DIO1: variants seen among roughly 807,000 people sequenced by gnomAD.
The protein encoded by DIO1 is iodothyronine deiodinase 1, also known as type I iodothyronine deiodinase.
DIO1 carries 17 observed loss-of-function variants against 25.9 expected under a neutral mutation model. That is an observed-to-expected ratio of 0.66 (90% CI 0.45 to 0.98). The LOEUF (loss-of-function observed/expected upper bound fraction) is 0.98. Among genes scored for constraint, DIO1 ranks in the 50% least tolerant of loss-of-function variants. The pLI is 0.00. For synonymous variants in DIO1, 115 were observed against 114.0 expected (o/e 1.01, Z -0.05); for missense variants, 270 against 310.4 (o/e 0.87, Z 0.98).
At chr1:53,909,141 C>T (rs969953433) in intron 3 of DIO1, among the ~76,000 whole-genome samples, 4 of 147,262 alleles carry the variant, frequency 2.7e-5, no homozygotes, top group South Asian at 2.2e-4. Context: ...CATGGCCGGG[C>T]GTGGTGGCTC....
At chr1:53,900,244 G>T (rs1304067121) in intron 1 of DIO1, among the ~76,000 whole-genome samples, 1 of 152,178 alleles carries the variant, frequency 6.6e-6, no homozygotes, top group Non-Finnish European at 1.5e-5. Flanking sequence ...ACAAATGCAT[G>T]GGACCTATGG....
intron 3 of DIO1, among the ~76,000 whole-genome samples, chr1:53,908,067 C>T (rs1557626610): frequency 6.9e-6 from 1 of 145,040 alleles, no homozygotes; most frequent in Non-Finnish European, 1.5e-5. Context: ...ACTAAAAATA[C>T]AAAAATTAGC....
rs1380646481 is a variant in DIO1, at chr1:53,906,114, C to A, written c.501C>A (p.Asn167Lys). ...TTGTAGATGGCTGGGCTTTTAAGAA[C>A]AACATGGACATCAGAAATCACCAGA... Reference protein sequence around the residue: ...AHASDGWAFKNNMDIRNHQNL... With the variant: ...AHASDGWAFKKNMDIRNHQNL... Residue 167 changes from asparagine to lysine, a missense_variant, in exon 3 of 4, where the codon AAC becomes AAA. Coordinates refer to ENST00000361921, the MANE Select transcript of DIO1 (RefSeq NM_000792.7). 1 of 1,614,206 alleles carries A rather than the reference C, an allele frequency of 6.2e-7. No homozygotes were observed. The highest frequency in any genetic ancestry group is 8.5e-7 in the Non-Finnish European group (1 of 1,180,044).
intron 1 of DIO1, among the ~76,000 whole-genome samples, chr1:53,902,026 G>A (rs887119809): frequency 6.7e-6 from 1 of 149,350 alleles, no homozygotes; most frequent in African/African-American, 2.6e-5. Flanking sequence ...GAGCCTGCCT[G>A]CTCTGGTCCA....
Position 53,894,575 on chromosome 1 carries a change from G to C in DIO1, c.337+28G>C, listed in dbSNP as rs1650977587. The C allele has an allele frequency of 6.3e-7, 1 of 1,585,382 alleles. No homozygotes were observed. Among genetic ancestry groups the C allele is most frequent in the Admixed American group, 1.8e-5 (1 of 55,990 alleles). On this transcript the variant is annotated intron_variant, in intron 1 of 3. Transcript: ENST00000361921. This position sits in a 1 kb window ranked among gnomAD's most constrained non-coding sequence, Gnocchi z 4.9. Reference sequence around the variant, plus strand: ...CAGGAGGCTGCCACACACTTGAGGGGTGCTTGAAATAGCAGTGGTAGAGGG... The same window carrying C: ...CAGGAGGCTGCCACACACTTGAGGGCTGCTTGAAATAGCAGTGGTAGAGGG...
chr1:53,902,468 T>G (rs534490909), intron 1 of DIO1, among the ~76,000 whole-genome samples: 1 of 151,944 alleles, frequency 6.6e-6, no homozygotes, highest in South Asian at 2.1e-4. Context: ...GAATAAATAT[T>G]TGTAGATAGG....
chr1:53,903,272 T>C (rs1651467424), intron 1 of DIO1: 1 of 151,788 alleles, frequency 6.6e-6, no homozygotes, highest in Non-Finnish European at 1.5e-5. Context: ...TCAAGGTACC[T>C]AGTATGTTCC....
chr1:53,904,553 G>T, intron 1 of DIO1, 113 bp from the exon 2 acceptor site: 1 of 1,350,780 alleles, frequency 7.4e-7, no homozygotes, highest in South Asian at 1.4e-5. Context: ...CCATCCTGGG[G>T]TGGGGGGTAG....
chr1:53,908,024 C>T (rs559878285), intron 3 of DIO1, among the ~76,000 whole-genome samples: 39 of 151,290 alleles, frequency 2.6e-4, no homozygotes, highest in African/African-American at 9.2e-4. Context: ...GAATTCGAGA[C>T]CAGCCTGACC....
intron 1 of DIO1, 34 bp from the exon 2 acceptor site, chr1:53,904,632 G>A: frequency 6.2e-7 from 1 of 1,604,952 alleles, no homozygotes; most frequent in Non-Finnish European, 8.5e-7. Flanking sequence ...GCTGTGTGTA[G>A]GGTCTCAGTT....
chr1:53,903,978 ACT>A (rs1225723721), intron 1 of DIO1, among the ~76,000 whole-genome samples: 1 of 149,574 alleles, frequency 6.7e-6, no homozygotes, highest in Non-Finnish European at 1.5e-5. Flanking sequence ...CCTAGCATTC[ACT>A]CTCTTTGTGG....
intron 3 of DIO1, among the ~76,000 whole-genome samples, chr1:53,908,356 G>A (rs570112529): frequency 1.7e-4 from 26 of 152,310 alleles, no homozygotes; most frequent in Non-Finnish European, 3.1e-4. Context: ...GGGTCAGCAC[G>A]CCTTTTCTGT....
At chr1:53,905,919 T>G (rs1651631287) in intron 2 of DIO1, among the ~76,000 whole-genome samples, 176 bp from the exon 3 acceptor site, 1 of 152,228 alleles carries the variant, frequency 6.6e-6, no homozygotes, top group African/African-American at 2.4e-5. Context: ...GGGCTTCAGT[T>G]CTGGATCAAT....
intron 1 of DIO1, among the ~76,000 whole-genome samples, chr1:53,895,479 A>G (rs72662379): frequency 0.042 from 6,431 of 152,258 alleles, 184 homozygotes; most frequent in Non-Finnish European, 0.066. Context: ...CCAGTCCAGG[A>G]AAACCAGTTT....
At chr1:53,895,508 A>G (rs1394935126) in intron 1 of DIO1, among the ~76,000 whole-genome samples, 1 of 152,056 alleles carries the variant, frequency 6.6e-6, no homozygotes, top group East Asian at 1.9e-4. Flanking sequence ...TGAGTTCTTG[A>G]CCGTTCCAGT....
chr1:53,898,897 C>T lies in DIO1; in HGVS notation c.337+4350C>T, dbSNP rs1015185436. 3.3e-5 allele frequency among the ~76,000 whole-genome samples: 5 copies of T among 152,104 alleles called. No homozygotes were observed. In the East Asian group the frequency reaches 5.8e-4, roughly 18 times the overall value. ...ATCTTTACTGATAATCTAAAGCAACCGCTTCGTTTTTGAGATGCAAAAGTC... is the reference window on the plus strand; with the variant it reads ...ATCTTTACTGATAATCTAAAGCAACTGCTTCGTTTTTGAGATGCAAAAGTC... On this transcript the variant is annotated intron_variant, in intron 1 of 3. Transcript: ENST00000361921.
intron 1 of DIO1, among the ~76,000 whole-genome samples, chr1:53,895,174 C>G (rs915460599): frequency 2.6e-5 from 4 of 152,144 alleles, no homozygotes; most frequent in African/African-American, 9.7e-5. Flanking sequence ...CCTGTAATCC[C>G]GGCACTTTGG....
intron 1 of DIO1, among the ~76,000 whole-genome samples, chr1:53,900,358 C>T (rs1182427269): frequency 6.6e-6 from 1 of 152,188 alleles, no homozygotes; most frequent in Non-Finnish European, 1.5e-5. Flanking sequence ...AATCCCAGCA[C>T]TTTGGGAGGC....
At chr1:53,906,051 T>C (rs1458185005) in intron 2 of DIO1, 44 bp from the exon 3 acceptor site, 4 of 1,581,882 alleles carry the variant, frequency 2.5e-6, no homozygotes, top group Non-Finnish European at 2.6e-6. Flanking sequence ...GCAGGAAGTG[T>C]GTGCTGTGTC....
Sources: allele counts gnomAD v4.1 joint callset (sites outside exome capture counted in the v4.1 genomes callset), GRCh38; gene constraint gnomAD v4.1.1; non-coding constraint Gnocchi (gnomAD v3.1); transcripts MANE v1.5; gene names NCBI Gene and HGNC (gene_info 2026-07-23, HGNC 2026-07-21).